CACNA1B: variants seen among roughly 807,000 people sequenced by gnomAD.
CACNA1B encodes voltage-dependent N-type calcium channel subunit alpha-1B.
CACNA1B carries 70 observed loss-of-function variants against 247.2 expected under a neutral mutation model. That is an observed-to-expected ratio of 0.28 (90% CI 0.23 to 0.35). The LOEUF is 0.35. CACNA1B is among the 10% of genes least tolerant of loss of function. The probability of loss-of-function intolerance (pLI) is 1.00; values close to 1 mark genes in which losing one functional copy is unlikely to be tolerated. For synonymous variants in CACNA1B, 1,231 were observed against 1,294.4 expected, an observed-to-expected ratio of 0.95 and a Z score of 1.05; for missense variants, 2,367 against 3,197.4, an observed-to-expected ratio of 0.74 and a Z score of 6.26.
In CACNA1B at chr9:138,030,842, G is replaced by C. The variant is rs185645953; in HGVS notation, c.3286+5670G>C. Reference sequence around the variant, plus strand: ...TTTATTTAAGTGTATACAGTTGTTTGTGATGTTTCCTTATTATCCCTTTGA... The same window carrying C: ...TTTATTTAAGTGTATACAGTTGTTTCTGATGTTTCCTTATTATCCCTTTGA... On this transcript the variant is annotated intron_variant, in intron 20 of 46. Transcript: ENST00000371372. 5.9e-5 allele frequency among the ~76,000 whole-genome samples: 9 copies of C among 152,220 alleles called. No homozygotes were observed. The South Asian group carries it at 1.7e-3, about 28-fold the overall frequency.
intron 20 of CACNA1B, among the ~76,000 whole-genome samples, chr9:138,025,646 G>A (rs1958912051): frequency 1.3e-5 from 2 of 152,188 alleles, no homozygotes; most frequent in African/African-American, 4.8e-5. Context: ...TCCCTGCTCT[G>A]AGGCTGTGCT....
intron 6 of CACNA1B, among the ~76,000 whole-genome samples, chr9:137,926,068 C>CTTT (rs71387875): frequency 2.7e-4 from 28 of 105,182 alleles, no homozygotes; most frequent in South Asian, 1.6e-3. Flanking sequence ...TTTTTCCTTT[C>CTTT]TTTTTTTTTT....
rs1041503602 is a variant in CACNA1B at position 137,955,713 on chromosome 9, G to A, written c.1086G>A (p.Glu362=). 2 of 1,612,470 alleles carry A rather than the reference G, an allele frequency of 1.2e-6. No homozygotes were observed. Among genetic ancestry groups the A allele is most frequent in the East Asian group, 4.5e-5 (2 of 44,842 alleles). The change falls in exon 8 of 47, where the codon GAG becomes GAA. Residue 362 remains glutamate, a synonymous_variant. Coordinates refer to ENST00000371372, the MANE Select transcript of CACNA1B (RefSeq NM_000718.4). This position sits in a 1 kb window ranked among gnomAD's most constrained non-coding sequence, Gnocchi z 6.9. ...LGVLSGEFAK[E]RERVENRRAF... is the part of the protein sequence containing the mutation. ...TGCATGGTAGGGAGTTTGCCAAGGA[G>A]CGAGAGAGGGTGGAGAACCGCCGCG...
At chr9:138,064,176 C>T (rs574072252) in intron 31 of CACNA1B, among the ~76,000 whole-genome samples, 5 of 152,348 alleles carry the variant, frequency 3.3e-5, no homozygotes, top group African/African-American at 1.2e-4. Context: ...TTCAAAACCT[C>T]CGGGTATTCT....
At chr9:137,958,566 C>T (rs139312772) in intron 10 of CACNA1B, among the ~76,000 whole-genome samples, 6 of 152,284 alleles carry the variant, frequency 3.9e-5, no homozygotes, top group East Asian at 1.9e-4. Context: ...GTCTGCTGAT[C>T]GTCTGCTGAT....
intron 21 of CACNA1B, among the ~76,000 whole-genome samples, chr9:138,045,404 C>G (rs1959173548): frequency 6.6e-6 from 1 of 152,074 alleles, no homozygotes; most frequent in Non-Finnish European, 1.5e-5. Context: ...GTGGTTTGAC[C>G]AGGGTACTCA....
chr9:138,005,886 A>AG (rs1958641541), intron 15 of CACNA1B, among the ~76,000 whole-genome samples: 1 of 152,084 alleles, frequency 6.6e-6, no homozygotes, highest in East Asian at 1.9e-4. Context: ...TACTAAAAAT[A>AG]CAAAAAATTA....
chr9:138,036,488 T>A (rs556384367), intron 20 of CACNA1B, among the ~76,000 whole-genome samples: 9 of 152,222 alleles, frequency 5.9e-5, no homozygotes, highest in Non-Finnish European at 1.3e-4. Context: ...TTCTCTTGGC[T>A]TGCCTGAACA....
chr9:138,107,218 T>TTTTATTTATTTATTTATTTA (rs56043117), intron 39 of CACNA1B, among the ~76,000 whole-genome samples: 6 of 135,742 alleles, frequency 4.4e-5, no homozygotes, highest in Non-Finnish European at 7.8e-5. Context: ...AATCATCTTA[T>TTTTATTTATTTATTTATTTA]TTTATTTATT....
chr9:138,102,022 C>G lies in CACNA1B; in HGVS notation c.5223-689C>G, dbSNP rs771317774. 1.3e-5 allele frequency among the ~76,000 whole-genome samples: 2 copies of G among 152,208 alleles called. No individual in the cohort carries two copies. The highest frequency in any genetic ancestry group is 6.5e-5 in the Admixed American group (1 of 15,292). ...GCCATGTCCTGCCAGCTCCTCCCCCCTCCCGCAGTCTCCCATTTCCCACCC... is the reference window on the plus strand; with the variant it reads ...GCCATGTCCTGCCAGCTCCTCCCCCGTCCCGCAGTCTCCCATTTCCCACCC... On this transcript the variant is annotated intron_variant, in intron 37 of 46. Coordinates refer to ENST00000371372, the MANE Select transcript of CACNA1B (RefSeq NM_000718.4). The surrounding 1 kb of genome is among the most constrained non-coding windows in gnomAD (Gnocchi z 5.4).
intron 3 of CACNA1B, among the ~76,000 whole-genome samples, chr9:137,898,308 T>A (rs1312186281): frequency 2.0e-5 from 3 of 152,230 alleles, no homozygotes; most frequent in Non-Finnish European, 4.4e-5. Flanking sequence ...TTTGAGTTGA[T>A]CCTGTTTGGG....
intron 5 of CACNA1B, among the ~76,000 whole-genome samples, chr9:137,916,351 T>G (rs982874477): frequency 5.9e-5 from 9 of 152,154 alleles, no homozygotes; most frequent in African/African-American, 2.2e-4. Context: ...TTAAAAATAT[T>G]TTTTTTCGGC....
chr9:138,092,485 C>G (rs1016375412), intron 36 of CACNA1B, among the ~76,000 whole-genome samples: 4 of 152,194 alleles, frequency 2.6e-5, no homozygotes, highest in African/African-American at 9.6e-5. Context: ...AGTTATCTCC[C>G]TTGTTCCCTG....
intron 6 of CACNA1B, among the ~76,000 whole-genome samples, chr9:137,934,041 A>G (rs938346176): frequency 1.3e-5 from 2 of 152,268 alleles, no homozygotes; most frequent in Non-Finnish European, 2.9e-5. Context: ...TCCATTTTGA[A>G]TAAAACAAAT....
At chr9:138,061,469 C>T (rs1051790452) in intron 31 of CACNA1B, among the ~76,000 whole-genome samples, 11 of 152,174 alleles carry the variant, frequency 7.2e-5, no homozygotes, top group African/African-American at 2.7e-4. Flanking sequence ...CATCGATTGG[C>T]CGTTGGTTCA....
intron 6 of CACNA1B, among the ~76,000 whole-genome samples, chr9:137,928,840 T>A (rs1242871586): frequency 6.6e-6 from 1 of 152,236 alleles, no homozygotes; most frequent in African/African-American, 2.4e-5. Flanking sequence ...CTCTGTAGAT[T>A]TGTCTATTCC....
chr9:138,009,395 A>G (rs1022719518), intron 16 of CACNA1B, among the ~76,000 whole-genome samples: 2 of 152,242 alleles, frequency 1.3e-5, no homozygotes, highest in African/African-American at 4.8e-5. Context: ...GCCCCAGGAC[A>G]CCATGCGGGA....
chr9:137,888,056 G>A lies in CACNA1B; in HGVS notation c.530+5173G>A, dbSNP rs1349448764. 6.6e-6 allele frequency among the ~76,000 whole-genome samples: 1 copy of A among 151,602 alleles called. No homozygotes were observed. The highest frequency in any genetic ancestry group is 6.6e-5 in the Admixed American group (1 of 15,246). On this transcript the variant is annotated intron_variant, in intron 3 of 46. Coordinates refer to ENST00000371372, the MANE Select transcript of CACNA1B (RefSeq NM_000718.4). The surrounding 1 kb of genome is among the most constrained non-coding windows in gnomAD (Gnocchi z 4.7). ...GGGCGTTGGAGGGCTCTGAGCACAG[G>A]TGTGGCCCAATTGACTCGTGATGGG...
In CACNA1B at chr9:137,917,231, C is replaced by T. The variant is rs1453379064; in HGVS notation, c.776-10C>T. On this transcript the variant is annotated splice_polypyrimidine_tract_variant and intron_variant, in intron 5 of 46. Coordinates refer to ENST00000371372, the MANE Select transcript of CACNA1B (RefSeq NM_000718.4). The surrounding 1 kb of genome is among the most constrained non-coding windows in gnomAD (Gnocchi z 5.5). ...TGAGCTCAGGGTCTGCTTCATTCTC[C>T]TTCTTGCAGATGCGGAGCCCGTGGG... 7 of 1,608,500 alleles carry T rather than the reference C, an allele frequency of 4.4e-6. No individual in the cohort carries two copies. The South Asian group carries it at 7.8e-5, about 18-fold the overall frequency.
Sources: allele counts gnomAD v4.1 joint callset (sites outside exome capture counted in the v4.1 genomes callset), GRCh38; gene constraint gnomAD v4.1.1; non-coding constraint Gnocchi (gnomAD v3.1); transcripts MANE v1.5; gene names NCBI Gene and HGNC (gene_info 2026-07-23, HGNC 2026-07-21).